The following HTT variants were observed in gnomAD, a reference collection of about 807,000 sequenced individuals.
The protein encoded by HTT is huntingtin, also known as huntington disease protein.
Under a neutral mutation model 362.3 loss-of-function variants are expected in HTT, and 104 were observed. That is an observed-to-expected ratio of 0.29 (90% CI 0.24 to 0.34). The LOEUF is 0.34. HTT is among the 10% of genes least tolerant of loss of function. The pLI, the probability that HTT is intolerant of heterozygous loss-of-function variation, is 1.00. For missense variants in HTT, 3,301 were observed against 3,928.6 expected (o/e 0.84, Z 4.27); for synonymous variants, 1,577 against 1,548.7 (o/e 1.02, Z -0.43).
At chr4:3,222,316 C>T (rs1487581094) in intron 53 of HTT, 71 bp from the exon 54 acceptor site, 9 of 1,322,906 alleles carry the variant, frequency 6.8e-6, no homozygotes, top group East Asian at 2.3e-5. Context: ...GCTGTGTCGG[C>T]GTAGCTGTCA....
chr4:3,174,609 C>A (rs1018321415), intron 31 of HTT, 112 bp from the exon 32 acceptor site: 11 of 781,380 alleles, frequency 1.4e-5, no homozygotes, highest in Non-Finnish European at 1.1e-5. Context: ...CAATCTGACA[C>A]GTTCTGATCG....
chr4:3,211,916 G>T lies in HTT; in HGVS notation c.6415-13G>T. On this transcript the variant is annotated splice_polypyrimidine_tract_variant and intron_variant, in intron 47 of 66. Transcript: ENST00000355072. ...TTGTTATTGTTTGTTAACCTTTAAT[G>T]CTCTGATTTCAGGAGTTCAACCTAA... 6.3e-7 allele frequency: 1 copy of T among 1,594,724 alleles called. No individual in the cohort carries two copies.
intron 53 of HTT, among the ~76,000 whole-genome samples, chr4:3,221,644 C>A (rs566203647): frequency 1.3e-5 from 2 of 152,358 alleles, no homozygotes; most frequent in Middle Eastern, 3.4e-3. Flanking sequence ...AGCACCCCAT[C>A]CCGTCTCTCT....
intron 36 of HTT, among the ~76,000 whole-genome samples, chr4:3,181,570 C>A (rs1346959433): frequency 6.6e-6 from 1 of 152,052 alleles, no homozygotes; most frequent in African/African-American, 2.4e-5. Context: ...TTTGTCAATT[C>A]TTTTTAGCTG....
intron 59 of HTT, among the ~76,000 whole-genome samples, chr4:3,229,586 A>G (rs1721136801): frequency 1.3e-5 from 2 of 149,442 alleles, no homozygotes; most frequent in Admixed American, 1.3e-4. Context: ...ACACATGTAT[A>G]TACACACCCC....
intron 29 of HTT, among the ~76,000 whole-genome samples, chr4:3,171,167 A>G (rs942198812): frequency 2.6e-5 from 4 of 152,238 alleles, no homozygotes; most frequent in South Asian, 2.1e-4. Flanking sequence ...GACAAATTCA[A>G]TTCTGACAAG....
At chr4:3,225,573 T>G in intron 56 of HTT, 88 bp from the exon 57 acceptor site, 1 of 1,212,546 alleles carries the variant, frequency 8.2e-7, no homozygotes, top group Admixed American at 2.3e-5. Context: ...GCTGGGTGCC[T>G]GTCTGGGCAG....
At chr4:3,200,745 T>C (rs1046181954) in intron 41 of HTT, among the ~76,000 whole-genome samples, 2 of 152,222 alleles carry the variant, frequency 1.3e-5, no homozygotes, top group Non-Finnish European at 2.9e-5. Context: ...AACCATCCAC[T>C]CTGTGCCGTA....
Position 3,243,245 on chromosome 4 carries a change from A to G in HTT, c.*3186A>G, listed in dbSNP as rs1238900392. On this transcript the variant is annotated 3_prime_UTR_variant, in exon 67 of 67. Coordinates refer to ENST00000355072, the MANE Select transcript of HTT (RefSeq NM_001388492.1). ...TTAGTTCTGTGTGTCTGGTGGGTGGAGTCAGGCTTCTCTTGCTACCTGTGA... is the reference window on the plus strand; with the variant it reads ...TTAGTTCTGTGTGTCTGGTGGGTGGGGTCAGGCTTCTCTTGCTACCTGTGA... 1 of 152,572 alleles carries G rather than the reference A, an allele frequency of 6.6e-6. No homozygotes were observed. The highest frequency in any genetic ancestry group is 2.4e-5 in the African/African-American group (1 of 41,420). The allele number at this position is 152,572 out of a possible 1,614,324, so 9.5% of individuals were successfully genotyped here.
intron 51 of HTT, among the ~76,000 whole-genome samples, chr4:3,217,217 C>G (rs1472688385): frequency 2.6e-5 from 4 of 152,144 alleles, no homozygotes; most frequent in Admixed American, 2.6e-4. Context: ...ATTCTAGACT[C>G]AAGACACCAT....
At chr4:3,207,168 G>C in intron 44 of HTT, 113 bp from the exon 45 acceptor site, 1 of 1,095,396 alleles carries the variant, frequency 9.1e-7, no homozygotes, top group Non-Finnish European at 1.4e-6. Context: ...TTTTTTTCTA[G>C]TCTGCCCTTA....
At chr4:3,190,674 C>T (rs1018029527) in intron 40 of HTT, among the ~76,000 whole-genome samples, 6 of 152,078 alleles carry the variant, frequency 3.9e-5, no homozygotes, top group East Asian at 1.9e-4. Flanking sequence ...CCAGCCTGGG[C>T]GAGATCGAGA....
Position 3,228,653 on chromosome 4 carries a change from A to G in HTT, c.7887A>G (p.Thr2629=), listed in dbSNP as rs1346765374. ...CCGTGTGGCTGGGGAACAGCATCAC[A>G]CCCCTGAGGGAGGAGGAATGGGACG... ...IHSVWLGNSI[T]PLREEEWDEE... The change falls in exon 58 of 67, where the codon ACA becomes ACG. Residue 2629 remains threonine (T), a synonymous_variant. Coordinates refer to ENST00000355072, the MANE Select transcript of HTT (RefSeq NM_001388492.1). This position sits in a 1 kb window ranked among gnomAD's most constrained non-coding sequence, Gnocchi z 4.3. 1.2e-6 allele frequency: 2 copies of G among 1,605,322 alleles called. No individual in the cohort carries two copies. Among genetic ancestry groups the G allele is most frequent in the South Asian group, 1.1e-5 (1 of 89,984 alleles).
chr4:3,139,966 C>T (rs190150100), intron 21 of HTT, among the ~76,000 whole-genome samples: 1 of 152,268 alleles, frequency 6.6e-6, no homozygotes, highest in African/African-American at 2.4e-5. Context: ...AAAGAAAGTA[C>T]AGCACCCAGC....
chr4:3,178,782 G>C (rs765802182), intron 35 of HTT, among the ~76,000 whole-genome samples: 3 of 152,202 alleles, frequency 2.0e-5, no homozygotes, highest in Non-Finnish European at 2.9e-5. Context: ...GCCAAGAAGC[G>C]ATGCAACACT....
intron 2 of HTT, among the ~76,000 whole-genome samples, chr4:3,094,679 C>T (rs1713738087): frequency 7.7e-6 from 1 of 129,130 alleles, no homozygotes; most frequent in Non-Finnish European, 1.6e-5. Context: ...CTGCCCCCCA[C>T]CTCCCGGACG....
At chr4:3,134,914 G>A (rs1426900572) in intron 19 of HTT, among the ~76,000 whole-genome samples, 2 of 151,786 alleles carry the variant, frequency 1.3e-5, no homozygotes, top group Non-Finnish European at 2.9e-5. Flanking sequence ...GTAGAAATGG[G>A]GTCTTGCTAT....
At chr4:3,123,625 G>A (rs985459284) in intron 10 of HTT, among the ~76,000 whole-genome samples, 1 of 152,124 alleles carries the variant, frequency 6.6e-6, no homozygotes, top group Non-Finnish European at 1.5e-5. Context: ...AGGAGTTTGA[G>A]GTCACAGTGA....
intron 26 of HTT, among the ~76,000 whole-genome samples, chr4:3,153,070 C>G (rs145876419): frequency 1.1e-3 from 161 of 152,262 alleles, no homozygotes; most frequent in African/African-American, 3.6e-3. Context: ...GTTGCCATAA[C>G]AAAATACCAT....
Sources: allele counts gnomAD v4.1 joint callset (sites outside exome capture counted in the v4.1 genomes callset), GRCh38; gene constraint gnomAD v4.1.1; non-coding constraint Gnocchi (gnomAD v3.1); transcripts MANE v1.5; gene names NCBI Gene and HGNC (gene_info 2026-07-23, HGNC 2026-07-21).